Variants in LRRC7 observed in about 807,000 individuals in gnomAD.
LRRC7 encodes the protein leucine rich repeat containing 7.
LRRC7 carries 23 observed loss-of-function variants against 175.7 expected under a neutral mutation model. That is an observed-to-expected ratio of 0.13 (90% CI 0.09 to 0.19). The LOEUF (loss-of-function observed/expected upper bound fraction) is 0.19, where lower values mean the gene tolerates loss of function less well. LRRC7 is among the 10% of genes least tolerant of loss of function. The pLI is 1.00. For missense variants in LRRC7, 1,354 were observed against 1,904.7 expected, an observed-to-expected ratio of 0.71 and a Z score of 5.38; for synonymous variants, 685 against 680.9, an observed-to-expected ratio of 1.01 and a Z score of -0.09.
intron 3 of LRRC7, among the ~76,000 whole-genome samples, chr1:69,774,665 G>A (rs552168994): frequency 6.6e-6 from 1 of 152,126 alleles, no homozygotes; most frequent in Non-Finnish European, 1.5e-5. Context: ...TTACATTTAT[G>A]TTTAAAAAAA....
intron 2 of LRRC7, among the ~76,000 whole-genome samples, chr1:69,735,597 T>A (rs1319921418): frequency 6.6e-6 from 1 of 152,082 alleles, no homozygotes; most frequent in African/African-American, 2.4e-5. Flanking sequence ...TTGTAATTAG[T>A]AAATAACGTG....
At chr1:70,016,322 T>C in intron 13 of LRRC7, 143 bp from the exon 14 acceptor site, 1 of 483,518 alleles carries the variant, frequency 2.1e-6, no homozygotes, top group African/African-American at 2.0e-5. Flanking sequence ...ATTTTCATTT[T>C]TTTAAATATT....
At chr1:69,789,248 A>C (rs1674839172) in intron 3 of LRRC7, among the ~76,000 whole-genome samples, 1 of 152,120 alleles carries the variant, frequency 6.6e-6, no homozygotes, top group Non-Finnish European at 1.5e-5. Flanking sequence ...TTTAGTACCC[A>C]AATATTTTAA....
At chr1:70,110,568 G>A (rs1389630769) in intron 26 of LRRC7, among the ~76,000 whole-genome samples, 1 of 152,062 alleles carries the variant, frequency 6.6e-6, no homozygotes, top group Non-Finnish European at 1.5e-5. Context: ...GCAAGAAGTA[G>A]GAAGAAATTT....
intron 7 of LRRC7, among the ~76,000 whole-genome samples, chr1:69,928,613 T>G (rs1459521127): frequency 2.0e-5 from 3 of 152,216 alleles, no homozygotes; most frequent in South Asian, 4.1e-4. Context: ...CTCCGAGCCA[T>G]GTGCGGGATG....
intron 10 of LRRC7, among the ~76,000 whole-genome samples, chr1:69,990,730 T>C (rs1247824681): frequency 2.0e-5 from 3 of 151,608 alleles, no homozygotes; most frequent in African/African-American, 7.3e-5. Flanking sequence ...ATTCATACGG[T>C]GGAAGAAAGA....
intron 1 of LRRC7, among the ~76,000 whole-genome samples, chr1:69,637,694 T>C (rs1358251794): frequency 1.3e-5 from 2 of 152,016 alleles, no homozygotes; most frequent in Non-Finnish European, 2.9e-5. Flanking sequence ...GCATCTATTC[T>C]GTTAAATAGC....
At chr1:70,025,835 G>GC (rs1384494441) in intron 17 of LRRC7, among the ~76,000 whole-genome samples, 1 of 145,494 alleles carries the variant, frequency 6.9e-6, no homozygotes, top group African/African-American at 2.5e-5. Context: ...AATTTAAGGG[G>GC]GGGGGGGTCC....
In LRRC7 at chr1:69,639,789, A is replaced by G. The variant is rs562326382; in HGVS notation, c.3-38592A>G. ...TTAAATTCCTGCCAGGATTTGAATT[A>G]TATCAATACCTACAAATGCAAAAAC... On this transcript the variant is annotated intron_variant, in intron 1 of 26. Transcript: ENST00000651989. 2.6e-5 allele frequency among the ~76,000 whole-genome samples: 4 copies of G among 151,946 alleles called. No individual in the cohort carries two copies. The South Asian group carries it at 6.2e-4, about 24-fold the overall frequency.
chr1:70,039,124 C>T lies in LRRC7; in HGVS notation c.3300C>T (p.Ala1100=). 6.2e-7 allele frequency: 1 copy of T among 1,614,076 alleles called. No homozygotes were observed. The highest frequency in any genetic ancestry group is 1.6e-4 in the Middle Eastern group (1 of 6,062). The change falls in exon 21 of 27, where the codon GCC becomes GCT. Residue 1100 remains alanine (A), a synonymous_variant. Coordinates refer to ENST00000651989, the MANE Select transcript of LRRC7 (RefSeq NM_001370785.2). ...FQHNPEYVQQ[A]SKNIAKDLIS... ...ACAATCCCGAGTACGTGCAACAGGC[C>T]AGCAAAAACATCGCCAAGGATTTGA...
At chr1:70,081,490 T>C (rs1401273084) in intron 24 of LRRC7, among the ~76,000 whole-genome samples, 4 of 152,262 alleles carry the variant, frequency 2.6e-5, no homozygotes, top group Non-Finnish European at 4.4e-5. Context: ...GTTTCCATTT[T>C]ATAGACTACA....
At chr1:69,631,251 C>T (rs780772312) in intron 1 of LRRC7, among the ~76,000 whole-genome samples, 15 of 152,134 alleles carry the variant, frequency 9.9e-5, no homozygotes, top group Non-Finnish European at 1.9e-4. Context: ...ACCAAGGCTG[C>T]AAATGACCAA....
chr1:69,885,679 T>C (rs1167551650), intron 7 of LRRC7, among the ~76,000 whole-genome samples: 2 of 117,108 alleles, frequency 1.7e-5, no homozygotes, highest in Non-Finnish European at 3.5e-5. Context: ...TGTTTGCTCT[T>C]GCTTTTCTAG....
chr1:69,784,392 A>G (rs1325005926), intron 3 of LRRC7, among the ~76,000 whole-genome samples: 3 of 152,218 alleles, frequency 2.0e-5, no homozygotes, highest in Non-Finnish European at 4.4e-5. Flanking sequence ...GTTAAAAAAT[A>G]CATATTACAT....
At chr1:70,076,422 G>A (rs1014661649) in intron 24 of LRRC7, 124 bp downstream of exon 24, 1 of 766,234 alleles carries the variant, frequency 1.3e-6, no homozygotes, top group East Asian at 2.7e-5. Flanking sequence ...AATGGGGTAG[G>A]GCCCTCTTTG....
At chr1:69,977,833 CT>C (rs1254808176) in intron 8 of LRRC7, among the ~76,000 whole-genome samples, 3 of 152,076 alleles carry the variant, frequency 2.0e-5, no homozygotes, top group African/African-American at 7.2e-5. Flanking sequence ...GAAAGTAAGC[CT>C]TTTGTGTTAA....
At chr1:69,840,641 AT>A (rs1177256847) in intron 7 of LRRC7, among the ~76,000 whole-genome samples, 2 of 151,972 alleles carry the variant, frequency 1.3e-5, no homozygotes, top group South Asian at 2.1e-4. Flanking sequence ...TTCTAGGATA[AT>A]TTTTTTCAGT....
At position 69,708,603 on chromosome 1, in the gene LRRC7, T is replaced by C. The variant is rs574227492; in HGVS notation, c.100+30125T>C. ...TTTCTGTGGTATGCAATTCTAAACA[T>C]CTATTTAGGCCAAATGTGTGAGCAT... On this transcript the variant is annotated intron_variant, in intron 2 of 26. Coordinates refer to ENST00000651989, the MANE Select transcript of LRRC7 (RefSeq NM_001370785.2). Among the ~76,000 whole-genome samples, 13 of 152,296 alleles carry C rather than the reference T, an allele frequency of 8.5e-5. 2 individuals are homozygous for C. Among genetic ancestry groups the C allele is most frequent in the South Asian group, 8.3e-4 (4 of 4,824 alleles).
At chr1:69,891,413 A>C (rs1645828863) in intron 7 of LRRC7, among the ~76,000 whole-genome samples, 1 of 152,210 alleles carries the variant, frequency 6.6e-6, no homozygotes, top group Non-Finnish European at 1.5e-5. Context: ...CCCCAAAACA[A>C]TTACAATAGT....
Sources: allele counts gnomAD v4.1 joint callset (sites outside exome capture counted in the v4.1 genomes callset), GRCh38; gene constraint gnomAD v4.1.1; transcripts MANE v1.5; gene names NCBI Gene and HGNC (gene_info 2026-07-23, HGNC 2026-07-21).